NET1: variants seen among roughly 807,000 people sequenced by gnomAD.
The protein encoded by NET1 is neuroepithelial cell-transforming gene 1 protein.
A neutral mutation model predicts 61.1 loss-of-function variants in NET1; 42 were observed. The observed-to-expected ratio is 0.69, with a 90% CI of 0.54 to 0.89. The LOEUF is 0.89. NET1 is among the 40% of genes least tolerant of loss of function. The pLI is 0.00. For missense variants in NET1, 654 were observed against 747.3 expected (o/e 0.88, Z 1.46); for synonymous variants, 254 against 281.8 (o/e 0.90, Z 0.99).
At position 5,452,782 on chromosome 10, in the gene NET1, A is replaced by G; in HGVS notation, c.532-76A>G. The G allele has an allele frequency of 1.5e-6, 2 of 1,296,224 alleles. No individual in the cohort carries two copies. Among genetic ancestry groups the G allele is most frequent in the Non-Finnish European group, 2.2e-6 (2 of 914,204 alleles). 80.3% of individuals were successfully genotyped at this position (1,296,224 alleles called of 1,614,324 possible). On this transcript the variant is annotated intron_variant, in intron 5 of 11. Transcript: ENST00000355029. This position sits in a 1 kb window ranked among gnomAD's most constrained non-coding sequence, Gnocchi z 4.0. Reference sequence around the variant, plus strand: ...TTTTAAAATGCCGTTCAAAACATCAAATAATGTAATTATCAGTTGTATATA... The same window carrying G: ...TTTTAAAATGCCGTTCAAAACATCAGATAATGTAATTATCAGTTGTATATA...
rs563205243 is a variant in NET1 at position 5,440,348 on chromosome 10, A to C, written c.255+11119A>C. 6.6e-6 allele frequency among the ~76,000 whole-genome samples: 1 copy of C among 152,340 alleles called. No homozygotes were observed. The highest frequency in any genetic ancestry group is 2.1e-4 in the South Asian group (1 of 4,824). ...CACATAGGCCAGATCAGTAACCACAACCATAACCATGTAACAAATGCTAGA... is the reference window on the plus strand; with the variant it reads ...CACATAGGCCAGATCAGTAACCACACCCATAACCATGTAACAAATGCTAGA... On this transcript the variant is annotated intron_variant, in intron 3 of 11. Coordinates refer to ENST00000355029, the MANE Select transcript of NET1 (RefSeq NM_001047160.3). This position sits in a 1 kb window ranked among gnomAD's most constrained non-coding sequence, Gnocchi z 4.1.
chr10:5,457,915 A>G lies in NET1; in HGVS notation c.*921A>G, dbSNP rs1356110865. 1 of 152,594 alleles carries G rather than the reference A, an allele frequency of 6.6e-6. No individual in the cohort carries two copies. Among genetic ancestry groups the G allele is most frequent in the Admixed American group, 6.5e-5 (1 of 15,278 alleles). 9.5% of individuals were successfully genotyped at this position (152,594 alleles called of 1,614,324 possible). A position where few individuals can be genotyped will look rare whatever the true frequency, so the allele number is the denominator to read the frequency against. On this transcript the variant is annotated 3_prime_UTR_variant, in exon 12 of 12. Coordinates refer to ENST00000355029, the MANE Select transcript of NET1 (RefSeq NM_001047160.3). The surrounding 1 kb of genome is among the most constrained non-coding windows in gnomAD (Gnocchi z 5.4). Reference sequence around the variant, plus strand: ...CTTCAAAGATTTTGTTGAAAGTTTTAGTGTTGTCTGAAATGCAAGAGGGAA... The same window carrying G: ...CTTCAAAGATTTTGTTGAAAGTTTTGGTGTTGTCTGAAATGCAAGAGGGAA...
rs993229767 is a variant in NET1, at chr10:5,422,418, C to T, written c.129-4237C>T. ...TTGGGGGTGGAATTATCAGGTCCTA[C>T]GGTAAACTTACCACTAACATCTTAA... On this transcript the variant is annotated intron_variant, in intron 1 of 11. Coordinates refer to ENST00000355029, the MANE Select transcript of NET1 (RefSeq NM_001047160.3). This position sits in a 1 kb window ranked among gnomAD's most constrained non-coding sequence, Gnocchi z 4.1. Among the ~76,000 whole-genome samples the T allele has an allele frequency of 5.9e-5, 9 of 152,174 alleles. No individual in the cohort carries two copies. Among genetic ancestry groups the T allele is most frequent in the African/African-American group, 1.9e-4 (8 of 41,498 alleles).
intron 1 of NET1, among the ~76,000 whole-genome samples, chr10:5,418,630 T>G (rs1210997030): frequency 6.6e-6 from 1 of 152,110 alleles, no homozygotes; most frequent in Non-Finnish European, 1.5e-5. Context: ...GTTCTTCTAT[T>G]CTTTGTTTTA....
Position 5,446,559 on chromosome 10 carries a change from G to GTGGCCC in NET1, c.256-5270_256-5265dup. 1.7e-6 allele frequency: 2 copies of GTGGCCC among 1,161,478 alleles called. No homozygotes were observed. Among genetic ancestry groups the GTGGCCC allele is most frequent in the Non-Finnish European group, 2.1e-6 (2 of 943,412 alleles). 71.9% of individuals were successfully genotyped at this position (1,161,478 alleles called of 1,614,324 possible). ...CCCCGCCCCCAGGGCCCGGTTGGCT[G>GTGGCCC]TGGCCCCGCCCCCGAGCCCTGGGGT... On this transcript the variant is annotated intron_variant, in intron 3 of 11. Coordinates refer to ENST00000355029, the MANE Select transcript of NET1 (RefSeq NM_001047160.3). This position sits in a 1 kb window ranked among gnomAD's most constrained non-coding sequence, Gnocchi z 5.0.
Position 5,455,077 on chromosome 10 carries a change from G to A in NET1, c.1156G>A (p.Val386Met). ...QRDPRIEASKVLLCHGELRSK... is the reference protein window; with the variant it reads ...QRDPRIEASKMLLCHGELRSK... Reference sequence around the variant, plus strand: ...GGACCCCAGAATCGAAGCGAGCAAAGTGCTGCTGTGCCATGGGGAGCTGCG... The same window carrying A: ...GGACCCCAGAATCGAAGCGAGCAAAATGCTGCTGTGCCATGGGGAGCTGCG... Residue 386 changes from valine (V) to methionine (M), a missense_variant, in exon 10 of 12, where the codon GTG becomes ATG. By Grantham distance (21) the Val-to-Met change is conservative. Coordinates refer to ENST00000355029, the MANE Select transcript of NET1 (RefSeq NM_001047160.3). The surrounding 1 kb of genome is among the most constrained non-coding windows in gnomAD (Gnocchi z 6.5). 6.2e-7 allele frequency: 1 copy of A among 1,613,934 alleles called. No homozygotes were observed. The highest frequency in any genetic ancestry group is 1.7e-5 in the Admixed American group (1 of 60,026).
Position 5,426,764 on chromosome 10 carries a change from A to G in NET1, c.195+43A>G. ...TTTTTATTTCGAGACATTAGATAGA[A>G]TTAATTCCCTGGTTTCTTTCAGTCT... is the stretch of plus-strand genomic sequence containing the variant. On this transcript the variant is annotated intron_variant, in intron 2 of 11. Coordinates refer to ENST00000355029, the MANE Select transcript of NET1 (RefSeq NM_001047160.3). This position sits in a 1 kb window ranked among gnomAD's most constrained non-coding sequence, Gnocchi z 4.6. 1 of 1,367,998 alleles carries G rather than the reference A, an allele frequency of 7.3e-7. No homozygotes were observed. Among genetic ancestry groups the G allele is most frequent in the Non-Finnish European group, 1.0e-6 (1 of 985,218 alleles). The allele number at this position is 1,367,998 out of a possible 1,614,324, so 84.7% of individuals were successfully genotyped here. A position where few individuals can be genotyped will look rare whatever the true frequency, so the allele number is the denominator to read the frequency against.
rs1832790716 is a variant in NET1, at chr10:5,456,027, A to G, written c.1198-60A>G. ...AATAATGTCGAGTTATTTTAGCAATATATTTCAGTCACTTAAAAACACAAG... is the reference window on the plus strand; with the variant it reads ...AATAATGTCGAGTTATTTTAGCAATGTATTTCAGTCACTTAAAAACACAAG... On this transcript the variant is annotated intron_variant, in intron 10 of 11. Coordinates refer to ENST00000355029, the MANE Select transcript of NET1 (RefSeq NM_001047160.3). The surrounding 1 kb of genome is among the most constrained non-coding windows in gnomAD (Gnocchi z 7.0). 22 of 1,451,670 alleles carry G rather than the reference A, an allele frequency of 1.5e-5. No individual in the cohort carries two copies. The South Asian group carries it at 2.3e-4, about 15-fold the overall frequency. The allele number at this position is 1,451,670 out of a possible 1,614,324, so 89.9% of individuals were successfully genotyped here.
In NET1 at chr10:5,423,491, G is replaced by C. The variant is rs145842009; in HGVS notation, c.129-3164G>C. Among the ~76,000 whole-genome samples the C allele has an allele frequency of 3.7e-4, 56 of 152,170 alleles. No homozygotes were observed. Among genetic ancestry groups the C allele is most frequent in the African/African-American group, 1.2e-3 (51 of 41,552 alleles). ...TGAAAGGAAAACATTAAAGGCCAAG[G>C]AAAATCTACAGGAGTCAAATCGGGA... On this transcript the variant is annotated intron_variant, in intron 1 of 11. Transcript: ENST00000355029. The surrounding 1 kb of genome is among the most constrained non-coding windows in gnomAD (Gnocchi z 4.4).
rs1359681882 is a variant in NET1, at chr10:5,441,935, TAC to T, written c.256-9893_256-9892del. ...TTTAACTAACCTATTTTTAGTGAGA[TAC>T]AGAGTATATGCTTGTAATCTTGAAT... is the stretch of plus-strand genomic sequence containing the variant. On this transcript the variant is annotated intron_variant, in intron 3 of 11. Transcript: ENST00000355029. The surrounding 1 kb of genome is among the most constrained non-coding windows in gnomAD (Gnocchi z 4.6). Among the ~76,000 whole-genome samples the T allele has an allele frequency of 6.6e-6, 1 of 152,200 alleles. No homozygotes were observed. The highest frequency in any genetic ancestry group is 1.5e-5 in the Non-Finnish European group (1 of 68,024).
intron 3 of NET1, among the ~76,000 whole-genome samples, chr10:5,432,283 G>T (rs770763512): frequency 6.6e-5 from 10 of 152,112 alleles, no homozygotes; most frequent in Admixed American, 1.3e-4. Context: ...AAGATAAAGG[G>T]ATTTAACTTA....
At position 5,449,130 on chromosome 10, in the gene NET1, T is replaced by C. The variant is rs147418496; in HGVS notation, c.256-2700T>C. ...AGAAGTTTCATGTATGAGTCTGTTTTCAAATAGTATATGTATCCTGAAATT... is the reference window on the plus strand; with the variant it reads ...AGAAGTTTCATGTATGAGTCTGTTTCCAAATAGTATATGTATCCTGAAATT... On this transcript the variant is annotated intron_variant, in intron 3 of 11. Coordinates refer to ENST00000355029, the MANE Select transcript of NET1 (RefSeq NM_001047160.3). This position sits in a 1 kb window ranked among gnomAD's most constrained non-coding sequence, Gnocchi z 4.4. Among the ~76,000 whole-genome samples, 2 of 152,354 alleles carry C rather than the reference T, an allele frequency of 1.3e-5. No individual in the cohort carries two copies. The highest frequency in any genetic ancestry group is 2.4e-5 in the African/African-American group (1 of 41,578).
intron 1 of NET1, among the ~76,000 whole-genome samples, chr10:5,419,961 G>T (rs553723065): frequency 6.6e-6 from 1 of 151,824 alleles, no homozygotes; most frequent in South Asian, 2.1e-4. Flanking sequence ...TTTAACTTTT[G>T]CCATTTTTAC....
At position 5,443,741 on chromosome 10, in the gene NET1, A is replaced by T. The variant is rs4881448; in HGVS notation, c.256-8089A>T. Reference sequence around the variant, plus strand: ...TACCCTATTTGTTTTCTATTTCTGTATTTACATATAAAGACTTCTACCTTT... The same window carrying T: ...TACCCTATTTGTTTTCTATTTCTGTTTTTACATATAAAGACTTCTACCTTT... On this transcript the variant is annotated intron_variant, in intron 3 of 11. Transcript: ENST00000355029. This position sits in a 1 kb window ranked among gnomAD's most constrained non-coding sequence, Gnocchi z 4.8. 0.98 allele frequency among the ~76,000 whole-genome samples: 148,756 copies of T among 152,332 alleles called. 72,731 individuals carry two copies. Among genetic ancestry groups the T allele is most frequent in the East Asian group, 1 (5,190 of 5,190 alleles).
rs1832421496 is a variant in NET1 at position 5,435,876 on chromosome 10, G to A, written c.255+6647G>A. Among the ~76,000 whole-genome samples, 1 of 151,952 alleles carries A rather than the reference G, an allele frequency of 6.6e-6. No homozygotes were observed. The highest frequency in any genetic ancestry group is 2.4e-5 in the African/African-American group (1 of 41,370). On this transcript the variant is annotated intron_variant, in intron 3 of 11. Coordinates refer to ENST00000355029, the MANE Select transcript of NET1 (RefSeq NM_001047160.3). The surrounding 1 kb of genome is among the most constrained non-coding windows in gnomAD (Gnocchi z 5.0). ...AATTATTCATTTTTAAAAGAACACA[G>A]TATTAGTTTTCCAAATGTGTTTCTC...
intron 1 of NET1, among the ~76,000 whole-genome samples, chr10:5,413,039 G>T: frequency 7.5e-6 from 1 of 132,542 alleles, no homozygotes. Flanking sequence ...GCGGGGTTGG[G>T]GGGGGGGACG....
intron 2 of NET1, 24 bp from the exon 3 acceptor site, chr10:5,429,146 A>G (rs763558521): frequency 1.3e-5 from 20 of 1,545,900 alleles, no homozygotes; most frequent in Non-Finnish European, 8.9e-6. Flanking sequence ...TTATATGAGA[A>G]TGAAATCTCT....
Position 5,431,186 on chromosome 10 carries a change from A to C in NET1, c.255+1957A>C, listed in dbSNP as rs57777284. ...GCGCCCGGCCTTAACTATATCTCTTAAGTCTCTTTTAGTTCATTGGTTTCC... is the reference window on the plus strand; with the variant it reads ...GCGCCCGGCCTTAACTATATCTCTTCAGTCTCTTTTAGTTCATTGGTTTCC... On this transcript the variant is annotated intron_variant, in intron 3 of 11. Transcript: ENST00000355029. The surrounding 1 kb of genome is among the most constrained non-coding windows in gnomAD (Gnocchi z 4.9). 0.021 allele frequency among the ~76,000 whole-genome samples: 3,119 copies of C among 152,144 alleles called. 112 individuals carry two copies. Among genetic ancestry groups the C allele is most frequent in the East Asian group, 0.12 (611 of 5,164 alleles).
chr10:5,454,170 A>C lies in NET1; in HGVS notation c.769-95A>C. 7.8e-7 allele frequency: 1 copy of C among 1,274,608 alleles called. No homozygotes were observed. The highest frequency in any genetic ancestry group is 1.1e-6 in the Non-Finnish European group (1 of 919,628). 79.0% of individuals were successfully genotyped at this position (1,274,608 alleles called of 1,614,324 possible). On this transcript the variant is annotated intron_variant, in intron 8 of 11. Transcript: ENST00000355029. The surrounding 1 kb of genome is among the most constrained non-coding windows in gnomAD (Gnocchi z 8.1). Reference sequence around the variant, plus strand: ...TCCACAGCTTGTTAAAACTCTCAAGAATAGCTGTACATTTTGTGTTTCATG... The same window carrying C: ...TCCACAGCTTGTTAAAACTCTCAAGCATAGCTGTACATTTTGTGTTTCATG...
Sources: gnomAD v4.1 joint callset for allele counts (sites outside exome capture counted in the v4.1 genomes callset) on GRCh38, gnomAD v4.1.1 for gene constraint, Gnocchi (gnomAD v3.1) non-coding constraint, MANE v1.5 for transcripts, NCBI Gene and HGNC (gene_info 2026-07-23, HGNC 2026-07-21) for gene names.